The following NEURL1B variants were observed in gnomAD, a reference collection of about 807,000 sequenced individuals.
NEURL1B encodes E3 ubiquitin-protein ligase NEURL1B.
Under a neutral mutation model 37.4 loss-of-function variants are expected in NEURL1B, and 13 were observed. The observed-to-expected ratio is 0.35, with a 90% confidence interval of 0.23 to 0.55. The LOEUF (loss-of-function observed/expected upper bound fraction) is 0.55, where lower values mean the gene tolerates loss of function less well. Among genes scored for constraint, NEURL1B ranks in the 20% least tolerant of loss-of-function variants. NEURL1B has a pLI of 0.89. For missense variants in NEURL1B, 790 were observed against 879.2 expected (o/e 0.90, Z 1.28); for synonymous variants, 432 against 426.6 (o/e 1.01, Z -0.16).
intron 1 of NEURL1B, among the ~76,000 whole-genome samples, chr5:172,658,976 G>A (rs969994087): frequency 1.3e-5 from 2 of 151,434 alleles, no homozygotes; most frequent in East Asian, 3.9e-4. Flanking sequence ...CCGCCAAACT[G>A]TGGCCTCTGA....
chr5:172,644,429 AT>A (rs1380060206), intron 1 of NEURL1B, among the ~76,000 whole-genome samples: 2 of 152,210 alleles, frequency 1.3e-5, no homozygotes, highest in Non-Finnish European at 2.9e-5. Flanking sequence ...GATAACATTT[AT>A]TGGGTTCCCC....
intron 2 of NEURL1B, among the ~76,000 whole-genome samples, chr5:172,677,598 C>A (rs1294010914): frequency 1.3e-5 from 2 of 152,184 alleles, no homozygotes; most frequent in Non-Finnish European, 2.9e-5. Context: ...CATGCCCCAG[C>A]ACACCAAGGC....
At position 172,683,720 on chromosome 5, in the gene NEURL1B, G is replaced by A; in HGVS notation, c.879G>A (p.Ser293=). 1 of 1,356,780 alleles carries A rather than the reference G, an allele frequency of 7.4e-7. No homozygotes were observed. The highest frequency in any genetic ancestry group is 9.6e-7 in the Non-Finnish European group (1 of 1,046,650). 84.0% of individuals were successfully genotyped at this position (1,356,780 alleles called of 1,614,324 possible). A position where few individuals can be genotyped will look rare whatever the true frequency, so the allele number is the denominator to read the frequency against. The part of the protein sequence containing the change: ...HATRGPDVSL[S]ADRKVACAPR... ...CACGCGGGCCCGACGTGAGCCTGTC[G>A]GCCGACCGCAAAGTGGCCTGCGCAC... The change falls in exon 3 of 5, where the codon TCG becomes TCA. Residue 293 remains serine (S), a synonymous_variant. Transcript: ENST00000369800. This position sits in a 1 kb window ranked among gnomAD's most constrained non-coding sequence, Gnocchi z 5.6.
chr5:172,649,651 C>T (rs1262184370), intron 1 of NEURL1B, among the ~76,000 whole-genome samples: 7 of 152,148 alleles, frequency 4.6e-5, no homozygotes, highest in Non-Finnish European at 2.9e-5. Flanking sequence ...TGTGAGCCAC[C>T]ACTCCTGCCT....
chr5:172,648,573 A>T (rs1010759584), intron 1 of NEURL1B, among the ~76,000 whole-genome samples: 15 of 152,240 alleles, frequency 9.9e-5, no homozygotes, highest in Non-Finnish European at 1.9e-4. Context: ...CAGCTCAAGC[A>T]GTCCAACATG....
At chr5:172,658,424 C>A (rs1193910456) in intron 1 of NEURL1B, among the ~76,000 whole-genome samples, 2 of 152,076 alleles carry the variant, frequency 1.3e-5, no homozygotes, top group Non-Finnish European at 2.9e-5. Flanking sequence ...TTGGGGGAAG[C>A]CCTGCGTGGT....
Position 172,687,797 on chromosome 5 carries a change from GAA to G in NEURL1B, c.*874_*875del, listed in dbSNP as rs1291774082. 2.0e-5 allele frequency: 3 copies of G among 152,126 alleles called. No homozygotes were observed. The highest frequency in any genetic ancestry group is 7.2e-5 in the African/African-American group (3 of 41,410). 9.4% of individuals were successfully genotyped at this position (152,126 alleles called of 1,614,324 possible). On this transcript the variant is annotated 3_prime_UTR_variant, in exon 5 of 5. Coordinates refer to ENST00000369800, the MANE Select transcript of NEURL1B (RefSeq NM_001142651.3). ...GTAAGTTCTGTTTTTCTGTGGGAGA[GAA>G]AGAATCCTAGAGGCAGGTGACCCAC...
chr5:172,657,627 C>T lies in NEURL1B; in HGVS notation c.32-12158C>T, dbSNP rs1334373571. On this transcript the variant is annotated intron_variant, in intron 1 of 4. Coordinates refer to ENST00000369800, the MANE Select transcript of NEURL1B (RefSeq NM_001142651.3). This position sits in a 1 kb window ranked among gnomAD's most constrained non-coding sequence, Gnocchi z 4.0. ...TTCTGTCACGCCCGCATAAGGGTTG[C>T]TTGAGGGCTCCTTGGTCAAGTGGTA... 2.0e-5 allele frequency among the ~76,000 whole-genome samples: 3 copies of T among 152,120 alleles called. No homozygotes were observed. Among genetic ancestry groups the T allele is most frequent in the Admixed American group, 1.3e-4 (2 of 15,282 alleles).
chr5:172,642,209 C>T (rs559853835), intron 1 of NEURL1B, among the ~76,000 whole-genome samples: 1 of 152,138 alleles, frequency 6.6e-6, no homozygotes, highest in Admixed American at 6.5e-5. Flanking sequence ...TACCCCAGCT[C>T]GGTATGCAAA....
chr5:172,686,767 A>G lies in NEURL1B; in HGVS notation c.1510A>G (p.Thr504Ala), dbSNP rs1758507550. The G allele has an allele frequency of 1.3e-6, 2 of 1,551,516 alleles. No homozygotes were observed. The highest frequency in any genetic ancestry group is 2.0e-5 in the Admixed American group (1 of 50,992). Residue 504 changes from threonine (T) to alanine (A), a missense_variant, in exon 5 of 5, where the codon ACG (threonine) becomes GCG (alanine). Transcript: ENST00000369800. This position sits in a 1 kb window ranked among gnomAD's most constrained non-coding sequence, Gnocchi z 7.9. ...GGCAGGCATCAAGAATGGCGAGTGC[A>G]CGGTGTGCTTCGATGGCGAGGTGGA... The part of the protein sequence containing the change: ...EPAGIKNGEC[T>A]VCFDGEVDTV...
At position 172,689,326 on chromosome 5, in the gene NEURL1B, T is replaced by C. The variant is rs185240225; in HGVS notation, c.*2401T>C. 1 of 152,364 alleles carries C rather than the reference T, an allele frequency of 6.6e-6. No individual in the cohort carries two copies. Among genetic ancestry groups the C allele is most frequent in the Admixed American group, 6.5e-5 (1 of 15,302 alleles). 9.4% of individuals were successfully genotyped at this position (152,364 alleles called of 1,614,324 possible). A position where few individuals can be genotyped will look rare whatever the true frequency, so the allele number is the denominator to read the frequency against. ...GGAAAAGGAGCCACTGTACTTTATT[T>C]TGCACCTACAGCGTGCCTTGGCACT... On this transcript the variant is annotated 3_prime_UTR_variant, in exon 5 of 5. Coordinates refer to ENST00000369800, the MANE Select transcript of NEURL1B (RefSeq NM_001142651.3).
intron 1 of NEURL1B, among the ~76,000 whole-genome samples, chr5:172,652,111 T>A (rs1757676695): frequency 1.3e-5 from 2 of 152,274 alleles, no homozygotes; most frequent in Admixed American, 6.5e-5. Context: ...CAAGGAAGGC[T>A]AAGTTTCTTC....
chr5:172,670,036 G>A lies in NEURL1B; in HGVS notation c.283G>A (p.Gly95Ser). ...GGTGGCCGTGCGCCCTGGCTGGAGC[G>A]GCGCGCTGCGCTTCGGCTTCACCGC... is the stretch of plus-strand genomic sequence containing the variant. ...RLVAVRPGWS[G>S]ALRFGFTAHD... Residue 95 changes from glycine to serine, a missense_variant, in exon 2 of 5, where the codon GGC (glycine) becomes AGC (serine). Gly to Ser is a moderately conservative substitution (Grantham distance 56). Around this residue, in one of 3 missense-constraint regions of NEURL1B, gnomAD observed 215 missense variants for 309.2 expected, o/e 0.70. Transcript: ENST00000369800. 6.7e-7 allele frequency: 1 copy of A among 1,503,522 alleles called. No homozygotes were observed. Among genetic ancestry groups the A allele is most frequent in the East Asian group, 2.6e-5 (1 of 37,752 alleles). The allele number at this position is 1,503,522 out of a possible 1,614,324, so 93.1% of individuals were successfully genotyped here. A position where few individuals can be genotyped will look rare whatever the true frequency, so the allele number is the denominator to read the frequency against.
Position 172,657,658 on chromosome 5 carries a change from G to A in NEURL1B, c.32-12127G>A, listed in dbSNP as rs112374026. Among the ~76,000 whole-genome samples the A allele has an allele frequency of 5.9e-5, 9 of 152,118 alleles. No homozygotes were observed. The highest frequency in any genetic ancestry group is 1.2e-4 in the African/African-American group (5 of 41,496). ...GGCTCCTTGGTCAAGTGGTAACGCC[G>A]GTGTCTGGGAAGGCACCTGTTACTT... On this transcript the variant is annotated intron_variant, in intron 1 of 4. Transcript: ENST00000369800. This position sits in a 1 kb window ranked among gnomAD's most constrained non-coding sequence, Gnocchi z 4.0.
chr5:172,658,954 C>T lies in NEURL1B; in HGVS notation c.32-10831C>T, dbSNP rs193295669. Among the ~76,000 whole-genome samples the T allele has an allele frequency of 6.7e-3, 1,010 of 151,718 alleles. 15 individuals carry two copies. Among genetic ancestry groups the T allele is most frequent in the Admixed American group, 0.032 (488 of 15,210 alleles). On this transcript the variant is annotated intron_variant, in intron 1 of 4. Coordinates refer to ENST00000369800, the MANE Select transcript of NEURL1B (RefSeq NM_001142651.3). Reference sequence around the variant, plus strand: ...TTTTGTAGATGCTTTGCTTATTGTTCGTCCCCAAGTTCCGCCAAACTGTGG... The same window carrying T: ...TTTTGTAGATGCTTTGCTTATTGTTTGTCCCCAAGTTCCGCCAAACTGTGG...
At chr5:172,672,236 C>T (rs539116303) in intron 2 of NEURL1B, among the ~76,000 whole-genome samples, 42 of 152,298 alleles carry the variant, frequency 2.8e-4, no homozygotes, top group African/African-American at 9.6e-4. Flanking sequence ...CCTACTTGGG[C>T]GTTTTAACTA....
intron 1 of NEURL1B, among the ~76,000 whole-genome samples, chr5:172,663,790 G>A (rs1581428241): frequency 8.1e-6 from 1 of 124,160 alleles, no homozygotes; most frequent in Non-Finnish European, 1.8e-5. Context: ...TCGCTGGCGT[G>A]GTTTGGGGAC....
Position 172,683,885 on chromosome 5 carries a change from C to A in NEURL1B, c.1044C>A (p.Gly348=). ...LAFGITSCDP[G]VLRPNELPAD... is the part of the protein sequence containing the mutation. ...TCGGCATCACGTCGTGCGACCCGGGCGTGCTACGGCCCAACGAGCTGCCCG... is the reference window on the plus strand; with the variant it reads ...TCGGCATCACGTCGTGCGACCCGGGAGTGCTACGGCCCAACGAGCTGCCCG... Residue 348 remains glycine, a synonymous_variant, in exon 3 of 5, where the codon GGC becomes GGA. Coordinates refer to ENST00000369800, the MANE Select transcript of NEURL1B (RefSeq NM_001142651.3). The surrounding 1 kb of genome is among the most constrained non-coding windows in gnomAD (Gnocchi z 5.6). 7.1e-7 allele frequency: 1 copy of A among 1,409,710 alleles called. No homozygotes were observed. Among genetic ancestry groups the A allele is most frequent in the Non-Finnish European group, 9.3e-7 (1 of 1,076,812 alleles). 87.3% of individuals were successfully genotyped at this position (1,409,710 alleles called of 1,614,324 possible).
rs1757455875 is a variant in NEURL1B, at chr5:172,641,395, C to T, written c.-12C>T. On this transcript the variant is annotated 5_prime_UTR_variant, in exon 1 of 5. Coordinates refer to ENST00000369800, the MANE Select transcript of NEURL1B (RefSeq NM_001142651.3). The surrounding 1 kb of genome is among the most constrained non-coding windows in gnomAD (Gnocchi z 6.4). ...AGAGCGCGCCGCCGCCAACGCCGCG[C>T]CCGACGCAGCGATGGGCAACACGGT... The T allele has an allele frequency of 2.2e-6, 3 of 1,381,938 alleles. No individual in the cohort carries two copies. The highest frequency in any genetic ancestry group is 2.8e-6 in the Non-Finnish European group (3 of 1,069,254). The allele number at this position is 1,381,938 out of a possible 1,614,324, so 85.6% of individuals were successfully genotyped here. A position where few individuals can be genotyped will look rare whatever the true frequency, so the allele number is the denominator to read the frequency against.
Sources: allele counts gnomAD v4.1 joint callset (sites outside exome capture counted in the v4.1 genomes callset), GRCh38; gene constraint gnomAD v4.1.1; regional missense constraint gnomAD v4.1.1; non-coding constraint Gnocchi (gnomAD v3.1); transcripts MANE v1.5; gene names NCBI Gene and HGNC (gene_info 2026-07-23, HGNC 2026-07-21).